The following OPALIN variants were observed in gnomAD, a reference collection of about 807,000 sequenced individuals.
The protein encoded by OPALIN is transmembrane protein 10.
Under a neutral mutation model 17.8 loss-of-function variants are expected in OPALIN, and 15 were observed. The ratio of observed to expected loss-of-function variants is 0.84; its 90% confidence interval spans 0.56 to 1.29. The LOEUF (loss-of-function observed/expected upper bound fraction) is 1.29, where lower values mean the gene tolerates loss of function less well. OPALIN is among the 50% of genes most tolerant of loss of function. The pLI is 0.00. For synonymous variants in OPALIN, 62 were observed against 63.8 expected, an observed-to-expected ratio of 0.97 and a Z score of 0.14; for missense variants, 170 against 176.0, an observed-to-expected ratio of 0.97 and a Z score of 0.19.
intron 1 of OPALIN, 31 bp downstream of exon 1, chr10:96,358,863 C>T (rs766862487): frequency 6.2e-6 from 10 of 1,611,962 alleles, no homozygotes; most frequent in Admixed American, 5.0e-5. Flanking sequence ...AATGAAAGTT[C>T]GATTGAGAAG....
Position 96,353,906 on chromosome 10 carries a change from A to G in OPALIN, c.39+1349T>C, listed in dbSNP as rs1349743001. ...AGTGCCCCCCACCAGAGGCTGGAGC[A>G]GGTGCCAATGTATTCAGTTCACAGA... On this transcript the variant is annotated intron_variant, in intron 2 of 5. Coordinates refer to ENST00000371172, the MANE Select transcript of OPALIN (RefSeq NM_033207.5). Among the ~76,000 whole-genome samples, 6 of 152,222 alleles carry G rather than the reference A, an allele frequency of 3.9e-5. No homozygotes were observed. In the East Asian group the frequency reaches 1.2e-3, roughly 29 times the overall value.
Position 96,351,365 on chromosome 10 carries a change from G to C in OPALIN, c.72+13C>G. The C allele has an allele frequency of 6.9e-7, 1 of 1,451,562 alleles. No individual in the cohort carries two copies. Among genetic ancestry groups the C allele is most frequent in the South Asian group, 1.2e-5 (1 of 80,974 alleles). The allele number at this position is 1,451,562 out of a possible 1,614,324, so 89.9% of individuals were successfully genotyped here. On this transcript the variant is annotated intron_variant, in intron 3 of 5. Coordinates refer to ENST00000371172, the MANE Select transcript of OPALIN (RefSeq NM_033207.5). ...TATTATCCCCATTTTATAAATTTAA[G>C]TGATATAGTTACCGTTTCTTTCCCA...
chr10:96,355,333 G>A, intron 1 of OPALIN, 43 bp from the exon 2 acceptor site: 4 of 1,589,710 alleles, frequency 2.5e-6, no homozygotes, highest in Non-Finnish European at 3.5e-6. Flanking sequence ...GGGATGGTCA[G>A]CAAGCTCCTT....
chr10:96,348,682 T>C (rs1169193190), intron 4 of OPALIN, among the ~76,000 whole-genome samples: 1 of 152,234 alleles, frequency 6.6e-6, no homozygotes, highest in Non-Finnish European at 1.5e-5. Flanking sequence ...TTTTTGTTTT[T>C]TCAAGATCAG....
chr10:96,350,383 T>A (rs956206164), intron 3 of OPALIN, among the ~76,000 whole-genome samples: 3 of 152,156 alleles, frequency 2.0e-5, no homozygotes, highest in Non-Finnish European at 2.9e-5. Context: ...ACCCAGCTAA[T>A]TTTTGTATTT....
rs1038421538 is a variant in OPALIN, at chr10:96,346,172, A to G, written c.250-55T>C. On this transcript the variant is annotated intron_variant, in intron 5 of 5. Coordinates refer to ENST00000371172, the MANE Select transcript of OPALIN (RefSeq NM_033207.5). ...CTACAGCAGAGAATTCTTTCATACA[A>G]GATGGACTAACAGCAACCACATTGA... The G allele has an allele frequency of 3.3e-6, 5 of 1,528,668 alleles. No homozygotes were observed. The African/African-American group carries it at 6.9e-5, about 21-fold the overall frequency. The allele number at this position is 1,528,668 out of a possible 1,614,324, so 94.7% of individuals were successfully genotyped here.
chr10:96,346,178 A>G lies in OPALIN; in HGVS notation c.250-61T>C, dbSNP rs1298828382. 6.8e-6 allele frequency: 10 copies of G among 1,467,664 alleles called. No individual in the cohort carries two copies. The Admixed American group carries it at 1.6e-4, about 23-fold the overall frequency. 90.9% of individuals were successfully genotyped at this position (1,467,664 alleles called of 1,614,324 possible). A position where few individuals can be genotyped will look rare whatever the true frequency, so the allele number is the denominator to read the frequency against. On this transcript the variant is annotated intron_variant, in intron 5 of 5. Coordinates refer to ENST00000371172, the MANE Select transcript of OPALIN (RefSeq NM_033207.5). ...CAGAGAATTCTTTCATACAAGATGG[A>G]CTAACAGCAACCACATTGACCCTCC...
chr10:96,350,640 T>C (rs530819899), intron 3 of OPALIN, among the ~76,000 whole-genome samples: 1 of 152,350 alleles, frequency 6.6e-6, no homozygotes, highest in East Asian at 1.9e-4. Context: ...GTTGTGCACA[T>C]GTACCCTAGA....
chr10:96,358,893 C>T lies in OPALIN; in HGVS notation c.3+1G>A. 6.2e-7 allele frequency: 1 copy of T among 1,614,146 alleles called. No homozygotes were observed. The highest frequency in any genetic ancestry group is 8.5e-7 in the Non-Finnish European group (1 of 1,179,974). On this transcript the variant is annotated splice_donor_variant, in intron 1 of 5. Coordinates refer to ENST00000371172, the MANE Select transcript of OPALIN (RefSeq NM_033207.5). LOFTEE classifies it high-confidence loss of function. ...GAGAAGAGATGCCAGCTTTCACTCA[C>T]CATTTCTGACAGTCTCCCAGGAACC...
At position 96,345,900 on chromosome 10, in the gene OPALIN, C is replaced by G. The variant is rs1176707356; in HGVS notation, c.*41G>C. The G allele has an allele frequency of 6.2e-7, 1 of 1,600,124 alleles. No individual in the cohort carries two copies. Among genetic ancestry groups the G allele is most frequent in the South Asian group, 1.1e-5 (1 of 89,144 alleles). ...AGTACAAAACCCTGGGTTTTCAACC[C>G]TGTTCCAGTGCCAGGTCTGCTGCTC... On this transcript the variant is annotated 3_prime_UTR_variant, in exon 6 of 6. Transcript: ENST00000371172.
At chr10:96,351,449 A>G in intron 2 of OPALIN, 39 bp from the exon 3 acceptor site, 1 of 1,361,092 alleles carries the variant, frequency 7.3e-7, no homozygotes, top group Non-Finnish European at 1.0e-6. Flanking sequence ...AAGAACAAAA[A>G]GTCTATAGAA....
chr10:96,355,007 G>T (rs2134030264), intron 2 of OPALIN, among the ~76,000 whole-genome samples: 1 of 146,956 alleles, frequency 6.8e-6, no homozygotes, highest in South Asian at 2.2e-4. Context: ...TGAGGCAGGA[G>T]AATCGCTTGA....
At chr10:96,352,377 G>A (rs2134023138) in intron 2 of OPALIN, among the ~76,000 whole-genome samples, 1 of 152,138 alleles carries the variant, frequency 6.6e-6, no homozygotes, top group East Asian at 1.9e-4. Context: ...AGAAGTTATG[G>A]GGCTTGTCCA....
intron 2 of OPALIN, among the ~76,000 whole-genome samples, chr10:96,353,703 G>T (rs1032369132): frequency 2.6e-5 from 4 of 152,196 alleles, no homozygotes. Flanking sequence ...GATGGGCCAA[G>T]ATAACACAGA....
At chr10:96,347,534 C>T (rs1251956226) in intron 5 of OPALIN, among the ~76,000 whole-genome samples, 1 of 149,678 alleles carries the variant, frequency 6.7e-6, no homozygotes, top group East Asian at 2.0e-4. Flanking sequence ...TGCAGTGGTG[C>T]GATCTCAGCT....
intron 2 of OPALIN, chr10:96,353,433 G>T: frequency 1.2e-6 from 2 of 1,613,498 alleles, no homozygotes; most frequent in Non-Finnish European, 8.5e-7. Flanking sequence ...TGACTTCCAG[G>T]CAGGATGACC....
chr10:96,348,500 C>A (rs1845435023), intron 4 of OPALIN, among the ~76,000 whole-genome samples, 155 bp from the exon 5 acceptor site: 1 of 152,048 alleles, frequency 6.6e-6, no homozygotes, highest in Non-Finnish European at 1.5e-5. Flanking sequence ...ATAACATCAC[C>A]CCTCAAACCA....
At chr10:96,352,236 C>T (rs1482250633) in intron 2 of OPALIN, among the ~76,000 whole-genome samples, 1 of 152,060 alleles carries the variant, frequency 6.6e-6, no homozygotes, top group Non-Finnish European at 1.5e-5. Context: ...TTACACTTTG[C>T]AAAGCTCTGT....
intron 4 of OPALIN, 26 bp downstream of exon 4, chr10:96,349,681 C>T: frequency 6.2e-7 from 1 of 1,608,616 alleles, no homozygotes; most frequent in South Asian, 1.1e-5. Context: ...GCCTATACAT[C>T]TGGACCCAAA....
Sources: allele counts gnomAD v4.1 joint callset (sites outside exome capture counted in the v4.1 genomes callset), GRCh38; gene constraint gnomAD v4.1.1; transcripts MANE v1.5; gene names NCBI Gene and HGNC (gene_info 2026-07-23, HGNC 2026-07-21).